PMEPA1: variants seen among roughly 807,000 people sequenced by gnomAD.
PMEPA1 encodes prostate transmembrane protein, androgen induced 1.
Under a neutral mutation model 23.0 loss-of-function variants are expected in PMEPA1, and 11 were observed. The observed-to-expected ratio is 0.48, with a 90% CI of 0.30 to 0.79. PMEPA1 has a LOEUF of 0.79. Among genes scored for constraint, PMEPA1 ranks in the 30% least tolerant of loss-of-function variants. The pLI is 0.06. For missense variants in PMEPA1, 377 were observed against 390.9 expected, an observed-to-expected ratio of 0.96 and a Z score of 0.30; for synonymous variants, 204 against 166.4, an observed-to-expected ratio of 1.23 and a Z score of -1.74.
At chr20:57,661,192 C>G (rs1466148158) in intron 1 of PMEPA1, among the ~76,000 whole-genome samples, 1 of 152,166 alleles carries the variant, frequency 6.6e-6, no homozygotes, top group East Asian at 1.9e-4. Context: ...GAAAAACCCT[C>G]AAGTGCTGGA....
Position 57,709,916 on chromosome 20 carries a change from T to TCCGCCGCCGCCGCCG in PMEPA1, c.-349_-335dup. ...CGCTAGCTTTCCCCAGCCGAGCGCCTCCGCCGCCGCCGCCGCCGCCGCCTC... is the reference window on the plus strand; with the variant it reads ...CGCTAGCTTTCCCCAGCCGAGCGCCTCCGCCGCCGCCGCCGCCGCCGCCGCCGCCGCCGCCGCCTC... On this transcript the variant is annotated 5_prime_UTR_variant, in exon 1 of 4. Coordinates refer to ENST00000341744, the MANE Select transcript of PMEPA1 (RefSeq NM_020182.5). The TCCGCCGCCGCCGCCG allele has an allele frequency of 1.0e-6, 1 of 1,004,800 alleles. No individual in the cohort carries two copies. The allele number at this position is 1,004,800 out of a possible 1,614,324, so 62.2% of individuals were successfully genotyped here.
intron 1 of PMEPA1, among the ~76,000 whole-genome samples, chr20:57,699,516 CG>C (rs1568685412): frequency 1.3e-5 from 2 of 152,170 alleles, no homozygotes; most frequent in Non-Finnish European, 2.9e-5. Flanking sequence ...CCCAGGACCC[CG>C]CCACAGTCTC....
rs1302784590 is a variant in PMEPA1, at chr20:57,656,805, C to G, written c.264+2738G>C. ...CCCCAGGGTCACCCTGAAAAGGGGCCATGGTCGGATAGCCATGCCAGGGGC... is the reference window on the plus strand; with the variant it reads ...CCCCAGGGTCACCCTGAAAAGGGGCGATGGTCGGATAGCCATGCCAGGGGC... On this transcript the variant is annotated intron_variant, in intron 2 of 3. Coordinates refer to ENST00000341744, the MANE Select transcript of PMEPA1 (RefSeq NM_020182.5). The surrounding 1 kb of genome is among the most constrained non-coding windows in gnomAD (Gnocchi z 4.7). Among the ~76,000 whole-genome samples the G allele has an allele frequency of 6.6e-6, 1 of 152,206 alleles. No individual in the cohort carries two copies. Among genetic ancestry groups the G allele is most frequent in the African/African-American group, 2.4e-5 (1 of 41,458 alleles).
chr20:57,651,834 G>A lies in PMEPA1; in HGVS notation c.*219C>T, dbSNP rs1238055080. Reference sequence around the variant, plus strand: ...AAGACACAGCTCAACAAAGAAACGTGGTTTTTTTTTTTCTTTTTTCTTTTT... The same window carrying A: ...AAGACACAGCTCAACAAAGAAACGTAGTTTTTTTTTTTCTTTTTTCTTTTT... On this transcript the variant is annotated 3_prime_UTR_variant, in exon 4 of 4. Coordinates refer to ENST00000341744, the MANE Select transcript of PMEPA1 (RefSeq NM_020182.5). The A allele has an allele frequency of 7.8e-6, 3 of 382,896 alleles. No individual in the cohort carries two copies. Among genetic ancestry groups the A allele is most frequent in the East Asian group, 3.8e-5 (1 of 26,516 alleles). 23.7% of individuals were successfully genotyped at this position (382,896 alleles called of 1,614,324 possible).
At chr20:57,663,136 G>GAATTT (rs1308011960) in intron 1 of PMEPA1, among the ~76,000 whole-genome samples, 1 of 152,222 alleles carries the variant, frequency 6.6e-6, no homozygotes, top group African/African-American at 2.4e-5. Flanking sequence ...CTCCCATTGG[G>GAATTT]TCACTGGCCC....
At chr20:57,701,464 A>G (rs1343214865) in intron 1 of PMEPA1, among the ~76,000 whole-genome samples, 1 of 152,202 alleles carries the variant, frequency 6.6e-6, no homozygotes, top group Non-Finnish European at 1.5e-5. Flanking sequence ...GGAGGACTAA[A>G]GCCATCACTG....
Position 57,652,585 on chromosome 20 carries a change from G to A in PMEPA1, c.332C>T (p.Ala111Val), listed in dbSNP as rs1256856134. Reference sequence around the variant, plus strand: ...CAGGCGGTCGGTGGGCCGAGGCGGGGCGTAGACCTGCGGCTGGAGGAAGCA... The same window carrying A: ...CAGGCGGTCGGTGGGCCGAGGCGGGACGTAGACCTGCGGCTGGAGGAAGCA... ...GNGIPEPQVY[A>V]PPRPTDRLAV... Residue 111 changes from alanine to valine, a missense_variant, in exon 4 of 4, where the codon GCC (alanine) becomes GTC (valine). Ala to Val is a moderately conservative substitution (Grantham distance 64, BLOSUM62 0). Transcript: ENST00000341744. This position sits in a 1 kb window ranked among gnomAD's most constrained non-coding sequence, Gnocchi z 6.1. The A allele has an allele frequency of 2.7e-6, 4 of 1,486,712 alleles. No homozygotes were observed. Among genetic ancestry groups the A allele is most frequent in the African/African-American group, 1.4e-5 (1 of 71,624 alleles). 92.1% of individuals were successfully genotyped at this position (1,486,712 alleles called of 1,614,324 possible). A position where few individuals can be genotyped will look rare whatever the true frequency, so the allele number is the denominator to read the frequency against.
At chr20:57,710,378 A>G (rs1568692999), upstream of PMEPA1, 15 of 1,436,026 alleles carry the variant, frequency 1.0e-5, no homozygotes, top group Non-Finnish European at 1.4e-5. Context: ...GGGCTAGCCT[A>G]TCTTCTGAGG....
At chr20:57,690,455 A>C (rs1485133256) in intron 1 of PMEPA1, 1 of 1,304,280 alleles carries the variant, frequency 7.7e-7, no homozygotes, top group Non-Finnish European at 1.0e-6. Flanking sequence ...AATTCTTTGA[A>C]TTTTTCGTTA....
At chr20:57,669,034 T>C (rs1338469397) in intron 1 of PMEPA1, among the ~76,000 whole-genome samples, 2 of 152,156 alleles carry the variant, frequency 1.3e-5, no homozygotes, top group African/African-American at 2.4e-5. Context: ...CTCTCCCCTC[T>C]GGAATATCAG....
At chr20:57,667,994 AT>A (rs1375405428) in intron 1 of PMEPA1, among the ~76,000 whole-genome samples, 1 of 152,146 alleles carries the variant, frequency 6.6e-6, no homozygotes. Flanking sequence ...GGGTAAAAAA[AT>A]TTGCTCTGTC....
At chr20:57,710,368 G>A, upstream of PMEPA1, 1 of 1,365,592 alleles carries the variant, frequency 7.3e-7, no homozygotes, top group African/African-American at 1.5e-5. Context: ...CAGGCTCTTG[G>A]GGCTAGCCTA....
intron 1 of PMEPA1, among the ~76,000 whole-genome samples, chr20:57,695,875 G>A (rs1315581139): frequency 4.6e-5 from 7 of 152,300 alleles, no homozygotes; most frequent in Admixed American, 3.9e-4. Flanking sequence ...GAGGTAGTGG[G>A]TCTGGGGTGC....
intron 1 of PMEPA1, among the ~76,000 whole-genome samples, chr20:57,703,354 A>G (rs2072036914): frequency 6.6e-6 from 1 of 152,240 alleles, no homozygotes; most frequent in Non-Finnish European, 1.5e-5. Context: ...GCCCCAAACC[A>G]TCAGAAGCTT....
At chr20:57,703,843 A>G (rs915642032) in intron 1 of PMEPA1, among the ~76,000 whole-genome samples, 26 of 152,242 alleles carry the variant, frequency 1.7e-4, no homozygotes, top group African/African-American at 6.0e-4. Flanking sequence ...GCTCACCTCT[A>G]TGAACACACA....
Position 57,709,485 on chromosome 20 carries a change from C to A in PMEPA1, c.98G>T (p.Ser33Ile). 1 of 1,142,338 alleles carries A rather than the reference C, an allele frequency of 8.8e-7. No individual in the cohort carries two copies. Among genetic ancestry groups the A allele is most frequent in the South Asian group, 2.8e-5 (1 of 36,252 alleles). The allele number at this position is 1,142,338 out of a possible 1,614,324, so 70.8% of individuals were successfully genotyped here. A position where few individuals can be genotyped will look rare whatever the true frequency, so the allele number is the denominator to read the frequency against. ...TCNCKRSLFQ[S>I]MEITELEFVQ... is the part of the protein sequence containing the mutation. ...GTGGGGTCACTCACTGATCTCCATG[C>A]TCTGGAACAAAGAGCGTTTGCAGTT... Residue 33 changes from serine to isoleucine, a missense_variant, in exon 1 of 4, where the codon AGC becomes ATC. Coordinates refer to ENST00000341744, the MANE Select transcript of PMEPA1 (RefSeq NM_020182.5).
At chr20:57,706,240 T>C (rs1233931427) in intron 1 of PMEPA1, among the ~76,000 whole-genome samples, 2 of 152,084 alleles carry the variant, frequency 1.3e-5, no homozygotes, top group African/African-American at 4.8e-5. Context: ...GAGAGCGAAC[T>C]TAGCATCCAT....
rs73915283 is a variant in PMEPA1 at position 57,662,121 on chromosome 20, A to G, written c.110-2424T>C. ...GAGCCAGTGTTTCTCAGCTGGGGCC[A>G]CGTCTGCACCCAGGGAACATGTGGC... On this transcript the variant is annotated intron_variant, in intron 1 of 3. Coordinates refer to ENST00000341744, the MANE Select transcript of PMEPA1 (RefSeq NM_020182.5). Among the ~76,000 whole-genome samples, 669 of 150,526 alleles carry G rather than the reference A, an allele frequency of 4.4e-3. 10 individuals carry two copies. The highest frequency in any genetic ancestry group is 0.016 in the African/African-American group (626 of 40,264).
chr20:57,672,718 G>A (rs896671944), intron 1 of PMEPA1, among the ~76,000 whole-genome samples: 1 of 152,182 alleles, frequency 6.6e-6, no homozygotes, highest in African/African-American at 2.4e-5. Flanking sequence ...AAGCAGTGAG[G>A]GTCTGGGCAG....
Sources: gnomAD v4.1 joint callset for allele counts (sites outside exome capture counted in the v4.1 genomes callset) on GRCh38, gnomAD v4.1.1 for gene constraint, Gnocchi (gnomAD v3.1) non-coding constraint, MANE v1.5 for transcripts, NCBI Gene and HGNC (gene_info 2026-07-23, HGNC 2026-07-21) for gene names.